Variants in MAST4 observed in about 807,000 individuals in gnomAD.
MAST4 encodes microtubule associated serine/threonine kinase family member 4.
MAST4 carries 89 observed loss-of-function variants against 162.7 expected under a neutral mutation model. The ratio of observed to expected loss-of-function variants is 0.55; its 90% CI spans 0.46 to 0.65. MAST4 has a LOEUF of 0.65. MAST4 is among the 30% of genes least tolerant of loss of function. The pLI is 0.00. For missense variants in MAST4, 3,153 were observed against 3,374.0 expected, an observed-to-expected ratio of 0.93 and a Z score of 1.62; for synonymous variants, 1,479 against 1,361.1, an observed-to-expected ratio of 1.09 and a Z score of -1.91.
At chr5:66,769,468 G>A (rs961910263) in intron 2 of MAST4, among the ~76,000 whole-genome samples, 3 of 152,150 alleles carry the variant, frequency 2.0e-5, no homozygotes, top group Non-Finnish European at 4.4e-5. Context: ...ACGGGGATAC[G>A]TTTAGAGAAT....
intron 4 of MAST4, among the ~76,000 whole-genome samples, chr5:66,987,387 T>A (rs1749637771): frequency 6.6e-6 from 1 of 152,126 alleles, no homozygotes; most frequent in Non-Finnish European, 1.5e-5. Context: ...CCTGGATGCC[T>A]GAAATGGCTT....
intron 1 of MAST4, among the ~76,000 whole-genome samples, chr5:66,699,378 C>G (rs1467019123): frequency 6.6e-6 from 1 of 152,166 alleles, no homozygotes; most frequent in Non-Finnish European, 1.5e-5. Flanking sequence ...ATTTTTTCTC[C>G]AGAGAACTGC....
chr5:67,108,060 G>C (rs1765795409), intron 10 of MAST4, among the ~76,000 whole-genome samples: 1 of 152,130 alleles, frequency 6.6e-6, no homozygotes, highest in South Asian at 2.1e-4. Flanking sequence ...ATAAAATACT[G>C]TTTGAGTTAA....
chr5:66,684,340 C>T (rs1200408663), intron 1 of MAST4, among the ~76,000 whole-genome samples: 1 of 127,356 alleles, frequency 7.9e-6, no homozygotes, highest in African/African-American at 3.3e-5. Context: ...AAATGTAGTG[C>T]TTCTTTTCTT....
chr5:66,815,016 G>A (rs1055248195), intron 3 of MAST4, among the ~76,000 whole-genome samples: 6 of 152,088 alleles, frequency 3.9e-5, no homozygotes, highest in Non-Finnish European at 8.8e-5. Flanking sequence ...TTGAGCTAGA[G>A]GGATTCCTAC....
chr5:66,927,630 A>AG (rs1764997422), intron 4 of MAST4, among the ~76,000 whole-genome samples: 1 of 152,318 alleles, frequency 6.6e-6, no homozygotes, highest in East Asian at 1.9e-4. Context: ...GACAGAGAGT[A>AG]GGCAGAGAGT....
At chr5:66,905,736 C>T (rs534055882) in intron 4 of MAST4, among the ~76,000 whole-genome samples, 4 of 152,120 alleles carry the variant, frequency 2.6e-5, no homozygotes, top group Admixed American at 6.5e-5. Context: ...TGGAAAGGTG[C>T]GATAGCTGGG....
At position 66,596,511 on chromosome 5, in the gene MAST4, C is replaced by A; in HGVS notation, c.-145C>A. 2 of 1,028,082 alleles carry A rather than the reference C, an allele frequency of 1.9e-6. No individual in the cohort carries two copies. Among genetic ancestry groups the A allele is most frequent in the Non-Finnish European group, 2.5e-6 (2 of 789,748 alleles). The allele number at this position is 1,028,082 out of a possible 1,614,324, so 63.7% of individuals were successfully genotyped here. On this transcript the variant is annotated 5_prime_UTR_variant, in exon 1 of 29. Transcript: ENST00000403625. ...GCGGGCTCCTGCGGCCCCGTCACTG[C>A]CATGTAGTCGCTGGCGGGGCTCCCT...
Position 67,152,654 on chromosome 5 carries a change from C to G in MAST4, c.3313C>G (p.Pro1105Ala). 1 of 1,613,924 alleles carries G rather than the reference C, an allele frequency of 6.2e-7. No homozygotes were observed. The highest frequency in any genetic ancestry group is 8.5e-7 in the Non-Finnish European group (1 of 1,179,810). ...TGTTACAGATATGTTTGCTGTTTCC[C>G]CTCTGGGAAGTCCAATGTCTCCCCA... ...MIPGDMFAVS[P>A]LGSPMSPHSL... is the part of the protein sequence containing the mutation. The change falls in exon 25 of 29, where the codon CCT becomes GCT. Residue 1105 changes from proline (P) to alanine (A), a missense_variant. Pro to Ala is a conservative substitution (Grantham distance 27). Coordinates refer to ENST00000403625, the MANE Select transcript of MAST4 (RefSeq NM_001164664.2).
chr5:66,644,768 A>G (rs1329193304), intron 1 of MAST4, among the ~76,000 whole-genome samples: 6 of 146,168 alleles, frequency 4.1e-5, no homozygotes, highest in Non-Finnish European at 3.0e-5. Flanking sequence ...TTTTTTGTAA[A>G]TGGAAATTAG....
At chr5:67,038,537 A>G (rs1382136226) in intron 4 of MAST4, among the ~76,000 whole-genome samples, 5 of 152,200 alleles carry the variant, frequency 3.3e-5, no homozygotes, top group African/African-American at 1.2e-4. Context: ...TTAAAACAAG[A>G]AAACCAAATT....
At chr5:67,125,838 A>C (rs1315016272) in intron 14 of MAST4, among the ~76,000 whole-genome samples, 2 of 152,196 alleles carry the variant, frequency 1.3e-5, no homozygotes, top group East Asian at 3.9e-4. Context: ...ACTGTCTTTC[A>C]CAATGGTTGA....
chr5:66,815,322 G>A (rs535438925), intron 3 of MAST4, among the ~76,000 whole-genome samples: 2 of 152,284 alleles, frequency 1.3e-5, no homozygotes, highest in South Asian at 2.1e-4. Context: ...TCTGAGGCTT[G>A]ACTTTCTGTG....
intron 3 of MAST4, among the ~76,000 whole-genome samples, chr5:66,894,776 C>T (rs1052784920): frequency 5.3e-5 from 8 of 152,204 alleles, no homozygotes; most frequent in African/African-American, 1.9e-4. Flanking sequence ...AGGCAAGTTG[C>T]TCAACTTCCA....
At chr5:66,925,644 CT>C (rs1308424520) in intron 4 of MAST4, among the ~76,000 whole-genome samples, 2 of 152,128 alleles carry the variant, frequency 1.3e-5, no homozygotes, top group African/African-American at 4.8e-5. Flanking sequence ...ATTAATGTAA[CT>C]TTGTATATGC....
intron 1 of MAST4, among the ~76,000 whole-genome samples, chr5:66,748,826 A>G (rs1485820919): frequency 6.6e-6 from 1 of 151,632 alleles, no homozygotes; most frequent in East Asian, 2.0e-4. Flanking sequence ...GGAAGAATGC[A>G]TTCTGGGTGG....
intron 1 of MAST4, among the ~76,000 whole-genome samples, chr5:66,741,649 G>T (rs1752481713): frequency 6.6e-6 from 1 of 152,136 alleles, no homozygotes; most frequent in South Asian, 2.1e-4. Context: ...AGCTTTGTGG[G>T]AACGGGACCT....
chr5:66,791,949 T>G (rs1013988962), intron 3 of MAST4, among the ~76,000 whole-genome samples: 1 of 152,212 alleles, frequency 6.6e-6, no homozygotes, highest in African/African-American at 2.4e-5. Flanking sequence ...ATATCACTTA[T>G]TTTGACGTGT....
chr5:66,831,827 C>T (rs776399814), intron 3 of MAST4, among the ~76,000 whole-genome samples: 2 of 152,144 alleles, frequency 1.3e-5, no homozygotes, highest in Non-Finnish European at 2.9e-5. Flanking sequence ...ATAGGAAATT[C>T]TGATGGATGG....
Sources: gnomAD v4.1 joint callset for allele counts (sites outside exome capture counted in the v4.1 genomes callset) on GRCh38, gnomAD v4.1.1 for gene constraint, MANE v1.5 for transcripts, NCBI Gene and HGNC (gene_info 2026-07-23, HGNC 2026-07-21) for gene names.